MAP4K1: variants seen among roughly 807,000 people sequenced by gnomAD.
MAP4K1 encodes MAPK/ERK kinase kinase kinase 1.
In MAP4K1, 35 loss-of-function variants were observed where a neutral mutation model predicts 122.8. That is an observed-to-expected ratio of 0.29 (90% CI 0.22 to 0.38). The LOEUF is 0.38. Ranked by LOEUF, MAP4K1 falls within the 10% of genes least tolerant of loss-of-function variation. The pLI is 1.00. For synonymous variants in MAP4K1, 412 were observed against 421.3 expected, an observed-to-expected ratio of 0.98 and a Z score of 0.27; for missense variants, 791 against 1,072.6, an observed-to-expected ratio of 0.74 and a Z score of 3.67.
intron 30 of MAP4K1, chr19:38,592,383 TG>T (rs1476483034): frequency 6.6e-6 from 1 of 151,226 alleles, no homozygotes; most frequent in Non-Finnish European, 1.5e-5. Context: ...GAGACCAGCC[TG>T]GCTAACAAGG....
Position 38,597,027 on chromosome 19 carries a change from C to A in MAP4K1, c.1941+7G>T. ...CAGAGTTCCCAGCACCCTCCCAAGCCCCTTACCCGGACAAGCAGGAATTTG... is the reference window on the plus strand; with the variant it reads ...CAGAGTTCCCAGCACCCTCCCAAGCACCTTACCCGGACAAGCAGGAATTTG... On this transcript the variant is annotated splice_region_variant and intron_variant, in intron 25 of 30. Coordinates refer to ENST00000396857, the MANE Select transcript of MAP4K1 (RefSeq NM_001042600.3). The surrounding 1 kb of genome is among the most constrained non-coding windows in gnomAD (Gnocchi z 4.6). 6.2e-7 allele frequency: 1 copy of A among 1,613,974 alleles called. No homozygotes were observed. The highest frequency in any genetic ancestry group is 8.5e-7 in the Non-Finnish European group (1 of 1,179,878).
chr19:38,615,847 C>T (rs531386922), intron 4 of MAP4K1, among the ~76,000 whole-genome samples: 43 of 151,674 alleles, frequency 2.8e-4, no homozygotes, highest in Non-Finnish European at 4.6e-4. Flanking sequence ...TTAGTAGAGG[C>T]GGGGTTTCAC....
rs780380053 is a variant in MAP4K1 at position 38,612,636 on chromosome 19, G to A, written c.640C>T (p.Pro214Ser). Residue 214 changes from proline to serine, a missense_variant, in exon 9 of 31, where the codon CCG (proline) becomes TCG (serine). Around this residue, in one of 4 missense-constraint regions of MAP4K1, gnomAD observed 163 missense variants for 286.1 expected, o/e 0.57. Transcript: ENST00000396857. ...CTGAGAGGGTGCACATCAAAGAGCG[G>A]TGGCTGTAGCTCGGCCAGTTCGATG... ...TAIELAELQP[P>S]LFDVHPLRVL... 6.2e-7 allele frequency: 1 copy of A among 1,613,518 alleles called. No individual in the cohort carries two copies. The highest frequency in any genetic ancestry group is 8.5e-7 in the Non-Finnish European group (1 of 1,179,874).
At chr19:38,606,283 T>G in intron 16 of MAP4K1, 68 bp from the exon 17 acceptor site, 2 of 775,346 alleles carry the variant, frequency 2.6e-6, no homozygotes, top group Non-Finnish European at 4.2e-6. Context: ...GATGGCATGG[T>G]TCTGGGCTGG....
rs189876841 is a variant in MAP4K1 at position 38,588,724 on chromosome 19, C to T, written c.2397-907G>A. On this transcript the variant is annotated intron_variant, in intron 30 of 30. Coordinates refer to ENST00000396857, the MANE Select transcript of MAP4K1 (RefSeq NM_001042600.3). The stretch of plus-strand genomic sequence containing the variant: ...CCGAGATAGCGCCAGTGCACTCCAG[C>T]CTGGGCGACAGAGCGAGCCTCTGTC... Among the ~76,000 whole-genome samples, 84 of 151,080 alleles carry T rather than the reference C, an allele frequency of 5.6e-4. No individual in the cohort carries two copies. In the East Asian group the frequency reaches 0.015, roughly 27 times the overall value.
At chr19:38,590,317 T>C (rs370898303) in intron 30 of MAP4K1, among the ~76,000 whole-genome samples, 119,384 of 119,386 alleles carry the variant, frequency 1, 59,691 homozygotes, top group Middle Eastern at 1. Flanking sequence ...AATTATTTTT[T>C]CCGGCTTAAT....
At chr19:38,613,708 AAG>A (rs772009596) in intron 8 of MAP4K1, among the ~76,000 whole-genome samples, 170 bp downstream of exon 8, 4 of 151,926 alleles carry the variant, frequency 2.6e-5, no homozygotes, top group Non-Finnish European at 5.9e-5. Flanking sequence ...AAAGGGCACA[AAG>A]AGAGAGGAAA....
chr19:38,599,347 C>CAAAAAAAAAAA (rs35011527), intron 22 of MAP4K1, among the ~76,000 whole-genome samples: 1 of 39,462 alleles, frequency 2.5e-5, no homozygotes. Context: ...GACTCGGTCT[C>CAAAAAAAAAAA]AAAAAAAAAA....
chr19:38,595,399 G>A (rs759254490), intron 29 of MAP4K1, 86 bp downstream of exon 29: 83 of 1,374,464 alleles, frequency 6.0e-5, no homozygotes, highest in Non-Finnish European at 7.5e-5. Flanking sequence ...TTCACACTCT[G>A]ACTCAGGAGT....
intron 19 of MAP4K1, among the ~76,000 whole-genome samples, chr19:38,602,607 C>CAT (rs879556292): frequency 4.8e-5 from 7 of 146,064 alleles, no homozygotes; most frequent in African/African-American, 1.3e-4. Context: ...TACGCATATA[C>CAT]ATATATATAC....
At chr19:38,590,382 AAAAAAAAAAAAAATATATATATAT>A (rs1291862341) in intron 30 of MAP4K1, among the ~76,000 whole-genome samples, 3 of 54,522 alleles carry the variant, frequency 5.5e-5, no homozygotes, top group African/African-American at 9.8e-5. Context: ...AGAAAAAAAA[AAAAAAAAAAAAAATATATATATAT>A]ATATATATAT....
rs1163061364 is a variant in MAP4K1, at chr19:38,600,157, G to A, written c.1532-4C>T. The A allele has an allele frequency of 1.2e-6, 2 of 1,613,840 alleles. No homozygotes were observed. The highest frequency in any genetic ancestry group is 2.7e-5 in the African/African-American group (2 of 74,916). The stretch of plus-strand genomic sequence containing the variant: ...GCCCCCAGGAGCAGGTGCTGGTCTG[G>A]AGGCACAGACAAGGACGCTGGGACC... On this transcript the variant is annotated splice_polypyrimidine_tract_variant and splice_region_variant and intron_variant, in intron 20 of 30. Transcript: ENST00000396857.
intron 12 of MAP4K1, 40 bp downstream of exon 12, chr19:38,609,869 C>T: frequency 6.4e-7 from 1 of 1,561,188 alleles, no homozygotes; most frequent in Non-Finnish European, 8.8e-7. Context: ...CTGAGAAAGA[C>T]CGAGAGGTCC....
rs1174926658 is a variant in MAP4K1 at position 38,595,570 on chromosome 19, A to G, written c.2270-15T>C. ...TCCAACCATAGCTGGGGAGAAAGCAATGCCCGTTACCCTTGGGGATCACTT... is the reference window on the plus strand; with the variant it reads ...TCCAACCATAGCTGGGGAGAAAGCAGTGCCCGTTACCCTTGGGGATCACTT... On this transcript the variant is annotated splice_polypyrimidine_tract_variant and intron_variant, in intron 28 of 30. Transcript: ENST00000396857. 2.5e-6 allele frequency: 4 copies of G among 1,614,078 alleles called. No individual in the cohort carries two copies. The highest frequency in any genetic ancestry group is 2.7e-5 in the African/African-American group (2 of 75,030).
intron 16 of MAP4K1, 60 bp from the exon 17 acceptor site, chr19:38,606,275 TG>T: frequency 1.2e-6 from 1 of 834,022 alleles, no homozygotes. Context: ...TCGGGGAAGA[TG>T]GCATGGTTCT....
At chr19:38,605,953 C>G (rs950582947) in intron 17 of MAP4K1, among the ~76,000 whole-genome samples, 2 of 152,034 alleles carry the variant, frequency 1.3e-5, no homozygotes, top group Non-Finnish European at 2.9e-5. Context: ...ATAGCAGGGG[C>G]TTCCTAGGAC....
chr19:38,605,049 T>C (rs1440157536), intron 19 of MAP4K1, among the ~76,000 whole-genome samples: 1 of 149,104 alleles, frequency 6.7e-6, no homozygotes, highest in Non-Finnish European at 1.5e-5. Flanking sequence ...ATCGCGCCAC[T>C]GTACTCTAGC....
At chr19:38,612,913 G>A (rs968158599) in intron 8 of MAP4K1, among the ~76,000 whole-genome samples, 171 bp from the exon 9 acceptor site, 4 of 152,018 alleles carry the variant, frequency 2.6e-5, no homozygotes, top group East Asian at 1.9e-4. Context: ...AGATGCAGAC[G>A]GGGCGCGATG....
At position 38,614,442 on chromosome 19, in the gene MAP4K1, G is replaced by A; in HGVS notation, c.317C>T (p.Thr106Ile). ...AATCTGGAGCTCTGACAGGGAGCCT[G>A]TCACTGCAAAGGTCACCCCGGCCAG... ...AGSLQDIYQV[T>I]GSLSELQISY... Residue 106 changes from threonine (T) to isoleucine (I), a missense_variant, in exon 5 of 31, where the codon ACA becomes ATA. This residue lies in a region of MAP4K1 where 163 missense variants were observed against 286.1 expected (regional missense o/e 0.57). Transcript: ENST00000396857. 1 of 1,614,102 alleles carries A rather than the reference G, an allele frequency of 6.2e-7. No homozygotes were observed. The highest frequency in any genetic ancestry group is 8.5e-7 in the Non-Finnish European group (1 of 1,180,020).
Sources: gnomAD v4.1 joint callset for allele counts (sites outside exome capture counted in the v4.1 genomes callset) on GRCh38, gnomAD v4.1.1 for gene constraint, gnomAD v4.1.1 regional missense constraint, Gnocchi (gnomAD v3.1) non-coding constraint, MANE v1.5 for transcripts, NCBI Gene and HGNC (gene_info 2026-07-23, HGNC 2026-07-21) for gene names.